Variants in UGT1A4 observed in about 807,000 individuals in gnomAD.
The protein encoded by UGT1A4 is UDP-glucuronosyltransferase 1A4.
In UGT1A4, 32 loss-of-function variants were observed where a neutral mutation model predicts 41.1. The observed-to-expected ratio is 0.78, with a 90% CI of 0.59 to 1.05. The LOEUF is 1.05. Ranked by LOEUF, UGT1A4 falls within the 50% of genes least tolerant of loss-of-function variation. The pLI, the probability that UGT1A4 is intolerant of heterozygous loss-of-function variation, is 0.00. For synonymous variants in UGT1A4, 283 were observed against 265.1 expected, an observed-to-expected ratio of 1.07 and a Z score of -0.66; for missense variants, 748 against 677.4, an observed-to-expected ratio of 1.10 and a Z score of -1.16.
At chr2:233,761,241 A>G in intron 1 of UGT1A4, 1 of 1,611,640 alleles carries the variant, frequency 6.2e-7, no homozygotes, top group Non-Finnish European at 8.5e-7. Context: ...TATGCTGAGC[A>G]AGCATTCTGA....
At chr2:233,747,515 T>C in intron 1 of UGT1A4, 2 of 1,607,616 alleles carry the variant, frequency 1.2e-6, no homozygotes, top group Non-Finnish European at 1.7e-6. Context: ...AACTGTACTT[T>C]GAAACAGAAC....
intron 1 of UGT1A4, among the ~76,000 whole-genome samples, chr2:233,766,276 CCCGGGCTCG>C (rs1699094963): frequency 2.0e-5 from 3 of 151,848 alleles, no homozygotes; most frequent in Non-Finnish European, 1.5e-5. Flanking sequence ...GGCTCGGTGG[CCCGGGCTCG>C]GTGGCCTGGG....
chr2:233,734,549 C>A (rs1463144375), intron 1 of UGT1A4, among the ~76,000 whole-genome samples: 2 of 152,092 alleles, frequency 1.3e-5, no homozygotes, highest in Non-Finnish European at 2.9e-5. Flanking sequence ...TTCTTCCCTT[C>A]TGCTAGCTTT....
chr2:233,767,130 G>A lies in UGT1A4; in HGVS notation c.964G>A (p.Ala322Thr). The A allele has an allele frequency of 6.2e-7, 1 of 1,614,080 alleles. No individual in the cohort carries two copies. The highest frequency in any genetic ancestry group is 8.5e-7 in the Non-Finnish European group (1 of 1,180,012). The change falls in exon 2 of 5, where the codon GCA (alanine) becomes ACA (threonine). Residue 322 changes from alanine (A) to threonine (T), a missense_variant. Ala to Thr is a moderately conservative substitution (Grantham distance 58). Coordinates refer to ENST00000373409, the MANE Select transcript of UGT1A4 (RefSeq NM_007120.3). ...VSEIPEKKAM[A>T]IADALGKIPQ... ...AGAAATTCCAGAGAAGAAAGCTATGGCAATTGCTGATGCTTTGGGCAAAAT... is the reference window on the plus strand; with the variant it reads ...AGAAATTCCAGAGAAGAAAGCTATGACAATTGCTGATGCTTTGGGCAAAAT...
chr2:233,741,535 C>T (rs1191111579), intron 1 of UGT1A4: 1 of 151,874 alleles, frequency 6.6e-6, no homozygotes, highest in East Asian at 1.9e-4. Context: ...CTGTCTTATT[C>T]TGATACTTCT....
intron 1 of UGT1A4, chr2:233,747,813 A>T (rs1693784433): frequency 6.2e-7 from 1 of 1,613,434 alleles, no homozygotes; most frequent in African/African-American, 1.3e-5. Context: ...ACTAACGACC[A>T]ATTCAGACCA....
intron 1 of UGT1A4, among the ~76,000 whole-genome samples, chr2:233,733,430 A>G (rs1256868743): frequency 6.6e-6 from 1 of 152,170 alleles, no homozygotes; most frequent in Non-Finnish European, 1.5e-5. Context: ...ACTCAGTATG[A>G]TATTGGCTGC....
chr2:233,768,192 CT>C, intron 3 of UGT1A4, 27 bp from the exon 4 acceptor site: 1 of 1,614,080 alleles, frequency 6.2e-7, no homozygotes, highest in Non-Finnish European at 8.5e-7. Context: ...GATGTAACTG[CT>C]GACATCCTCC....
At chr2:233,747,354 G>C (rs753872482) in intron 1 of UGT1A4, 1 of 1,602,508 alleles carries the variant, frequency 6.2e-7, no homozygotes, top group Non-Finnish European at 8.5e-7. Context: ...GCGGGAGGCC[G>C]TGCGGGAGCT....
At chr2:233,758,245 A>G (rs1047370626) in intron 1 of UGT1A4, among the ~76,000 whole-genome samples, 51 of 152,214 alleles carry the variant, frequency 3.4e-4, no homozygotes, top group Non-Finnish European at 1.9e-4. Flanking sequence ...ATTGCCCACT[A>G]TTCAGATTAG....
intron 1 of UGT1A4, chr2:233,755,020 T>G (rs552495015): frequency 7.7e-7 from 1 of 1,304,796 alleles, no homozygotes; most frequent in African/African-American, 1.5e-5. Context: ...AAGGGGTCCT[T>G]GAAGGGCCTG....
In UGT1A4 at chr2:233,729,557, C is replaced by T. The variant is rs13406898; in HGVS notation, c.867+9870C>T. On this transcript the variant is annotated intron_variant, in intron 1 of 4. Transcript: ENST00000373409. ...GCCCTGATCAGGCACCTGAATGCTA[C>T]TTCCTTTGATGTGGTTTTAACAGAC... is the stretch of plus-strand genomic sequence containing the variant. The T allele has an allele frequency of 1.3e-3, 2,173 of 1,614,146 alleles. 29 individuals carry two copies. The African/African-American group carries it at 0.026, about 19-fold the overall frequency.
intron 1 of UGT1A4, chr2:233,747,107 A>T: frequency 1.4e-6 from 2 of 1,386,060 alleles, no homozygotes; most frequent in Admixed American, 4.1e-5. Flanking sequence ...TTCCAATTAC[A>T]TGATGATTTG....
At chr2:233,766,924 A>T (rs985684086) in intron 1 of UGT1A4, 110 bp from the exon 2 acceptor site, 2 of 1,565,450 alleles carry the variant, frequency 1.3e-6, no homozygotes, top group East Asian at 4.5e-5. Context: ...TCAAACACGC[A>T]TGCCTTTAAT....
intron 1 of UGT1A4, chr2:233,761,181 G>A (rs539737168): frequency 1.9e-5 from 31 of 1,614,124 alleles, no homozygotes; most frequent in East Asian, 2.2e-5. Flanking sequence ...TTTTACATGC[G>A]TATATTCTTT....
rs1334751612 is a variant in UGT1A4, at chr2:233,749,282, GTAGT to G, written c.868-17749_868-17746del. Among the ~76,000 whole-genome samples the G allele has an allele frequency of 7.2e-5, 11 of 151,846 alleles. 1 individual carries two copies. Among genetic ancestry groups the G allele is most frequent in the African/African-American group, 1.7e-4 (7 of 41,140 alleles). On this transcript the variant is annotated intron_variant, in intron 1 of 4. Coordinates refer to ENST00000373409, the MANE Select transcript of UGT1A4 (RefSeq NM_007120.3). ...TTGGTGATTTTCTCCCTTATGCAGT[GTAGT>G]TATTCAATTATAAAATATGTGTTTA...
intron 1 of UGT1A4, among the ~76,000 whole-genome samples, chr2:233,737,806 C>A (rs575024235): frequency 6.6e-6 from 1 of 152,216 alleles, no homozygotes; most frequent in Non-Finnish European, 1.5e-5. Flanking sequence ...TCACTATCAT[C>A]TCAGTGGAGC....
At chr2:233,731,154 A>G (rs2125760855) in intron 1 of UGT1A4, among the ~76,000 whole-genome samples, 1 of 152,228 alleles carries the variant, frequency 6.6e-6, no homozygotes, top group East Asian at 1.9e-4. Context: ...TTTCTTTTTG[A>G]TCAAACGACA....
intron 1 of UGT1A4, among the ~76,000 whole-genome samples, chr2:233,738,198 C>T (rs981830187): frequency 3.3e-5 from 5 of 152,188 alleles, no homozygotes; most frequent in Admixed American, 3.3e-4. Context: ...GCCTCTCTCT[C>T]ACTTTCTGCC....
Sources: gnomAD v4.1 joint callset for allele counts (sites outside exome capture counted in the v4.1 genomes callset) on GRCh38, gnomAD v4.1.1 for gene constraint, MANE v1.5 for transcripts, NCBI Gene and HGNC (gene_info 2026-07-23, HGNC 2026-07-21) for gene names.